EXTL3: variants seen among roughly 807,000 people sequenced by gnomAD.
EXTL3 encodes the protein exostosin like glycosyltransferase 3.
In EXTL3, 27 loss-of-function variants were observed where a neutral mutation model predicts 69.3. That is an observed-to-expected ratio of 0.39 (90% CI 0.29 to 0.54). EXTL3 has a LOEUF of 0.54. EXTL3 is among the 20% of genes least tolerant of loss of function. The probability of loss-of-function intolerance (pLI) is 0.69; values close to 1 mark genes in which losing one functional copy is unlikely to be tolerated. For missense variants in EXTL3, 1,003 were observed against 1,231.8 expected (o/e 0.81, Z 2.78); for synonymous variants, 511 against 499.4 (o/e 1.02, Z -0.31).
intron 2 of EXTL3, among the ~76,000 whole-genome samples, chr8:28,714,633 C>T (rs963573644): frequency 2.6e-5 from 4 of 152,104 alleles, no homozygotes; most frequent in South Asian, 2.1e-4. Flanking sequence ...AAAAAGAAAC[C>T]GGGAATATTC....
At chr8:28,735,946 G>A (rs1197024320) in intron 4 of EXTL3, among the ~76,000 whole-genome samples, 3 of 152,200 alleles carry the variant, frequency 2.0e-5, no homozygotes, top group African/African-American at 7.2e-5. Flanking sequence ...AGGCCCCTAG[G>A]TAGTCATTCA....
intron 1 of EXTL3, among the ~76,000 whole-genome samples, chr8:28,682,210 T>C (rs1298429455): frequency 6.6e-6 from 1 of 152,260 alleles, no homozygotes; most frequent in African/African-American, 2.4e-5. Flanking sequence ...TTGAGCATTT[T>C]TTTGTATATG....
At chr8:28,722,116 A>G (rs1250521317) in intron 3 of EXTL3, among the ~76,000 whole-genome samples, 3 of 152,156 alleles carry the variant, frequency 2.0e-5, no homozygotes, top group Non-Finnish European at 4.4e-5. Flanking sequence ...GGCCATGTAA[A>G]TTCTGGAGGG....
Position 28,750,636 on chromosome 8 carries a change from GTCTC to G in EXTL3, c.2551-14_2551-11del. 3.1e-6 allele frequency: 5 copies of G among 1,601,664 alleles called. No individual in the cohort carries two copies. The highest frequency in any genetic ancestry group is 1.7e-5 in the Admixed American group (1 of 60,008). On this transcript the variant is annotated splice_polypyrimidine_tract_variant and intron_variant, in intron 6 of 6. Transcript: ENST00000220562. This position sits in a 1 kb window ranked among gnomAD's most constrained non-coding sequence, Gnocchi z 5.2. ...CAGTATTAGCTGGGATTCCCACTCT[GTCTC>G]TCTCTCCCGTTTCCAGGTGACCTCA...
chr8:28,660,822 CTATTCCGAT>C (rs1807096778), intron 1 of EXTL3, among the ~76,000 whole-genome samples: 1 of 123,234 alleles, frequency 8.1e-6, no homozygotes, highest in Non-Finnish European at 1.7e-5. Flanking sequence ...AAATAGCCCT[CTATTCCGAT>C]TTTTGGCTTT....
At chr8:28,665,647 A>G (rs1807185736) in intron 1 of EXTL3, among the ~76,000 whole-genome samples, 1 of 151,996 alleles carries the variant, frequency 6.6e-6, no homozygotes, top group Non-Finnish European at 1.5e-5. Context: ...GGCTCGGGCA[A>G]TCCGTCCATC....
intron 4 of EXTL3, among the ~76,000 whole-genome samples, chr8:28,733,560 ATTT>A (rs1171341000): frequency 7.7e-6 from 1 of 129,942 alleles, no homozygotes; most frequent in Non-Finnish European, 1.7e-5. Flanking sequence ...TAATCTTTAC[ATTT>A]TTTTTTTTTT....
At chr8:28,647,186 C>A (rs1806845340) in intron 1 of EXTL3, among the ~76,000 whole-genome samples, 1 of 151,472 alleles carries the variant, frequency 6.6e-6, no homozygotes, top group African/African-American at 2.4e-5. Context: ...CTCACTACAA[C>A]CTCCTCTTCC....
chr8:28,630,379 G>A (rs970554781), intron 1 of EXTL3, among the ~76,000 whole-genome samples: 2 of 152,036 alleles, frequency 1.3e-5, no homozygotes, highest in African/African-American at 4.8e-5. Context: ...CCAGTCTCGG[G>A]TATGTCTTTA....
chr8:28,744,077 C>T (rs1801834633), intron 6 of EXTL3: 1 of 152,228 alleles, frequency 6.6e-6, no homozygotes. Context: ...CAAGTTAGAG[C>T]ATGCTGGTAA....
chr8:28,695,516 T>C (rs1467236723), intron 1 of EXTL3, among the ~76,000 whole-genome samples: 1 of 152,390 alleles, frequency 6.6e-6, no homozygotes, highest in African/African-American at 2.4e-5. Context: ...TCTCCATCTC[T>C]GGTGGGTTTG....
intron 1 of EXTL3, among the ~76,000 whole-genome samples, chr8:28,645,096 G>A (rs567758851): frequency 6.6e-6 from 1 of 152,288 alleles, no homozygotes; most frequent in Admixed American, 6.5e-5. Flanking sequence ...GAGTGAGAAA[G>A]GGAATAATAG....
chr8:28,718,230 G>A (rs367818465), intron 3 of EXTL3, 23 bp downstream of exon 3: 130 of 1,606,854 alleles, frequency 8.1e-5, no homozygotes, highest in Non-Finnish European at 9.2e-5. Context: ...CGAACAGTTC[G>A]TTTTGGTGCA....
upstream of EXTL3, chr8:28,700,345 T>C (rs1800761216): frequency 6.6e-6 from 1 of 152,198 alleles, no homozygotes; most frequent in African/African-American, 2.4e-5. Context: ...GAGTGTGCTC[T>C]AGGAAACAGG....
At chr8:28,638,982 G>C (rs1016946976) in intron 1 of EXTL3, among the ~76,000 whole-genome samples, 1 of 143,594 alleles carries the variant, frequency 7.0e-6, no homozygotes. Flanking sequence ...GTGTCACCCA[G>C]GCTGCAGTGC....
Position 28,710,617 on chromosome 8 carries a change from T to C in EXTL3, c.-569-2840T>C, listed in dbSNP as rs561765274. The C allele has an allele frequency of 6.5e-3, 1,855 of 286,288 alleles. 5 individuals are homozygous for C. Among genetic ancestry groups the C allele is most frequent in the African/African-American group, 0.013 (568 of 42,964 alleles). The allele number at this position is 286,288 out of a possible 1,614,324, so 17.7% of individuals were successfully genotyped here. On this transcript the variant is annotated intron_variant, in intron 1 of 6. Coordinates refer to ENST00000220562, the MANE Select transcript of EXTL3 (RefSeq NM_001440.4). The stretch of plus-strand genomic sequence containing the variant: ...TTTTTGTAGTTTTCTTTCTTTCTTT[T>C]TTTTTTTTTTTTTGAGGCAAGGTCT...
chr8:28,648,253 G>C (rs976978334), intron 1 of EXTL3, among the ~76,000 whole-genome samples: 2 of 152,034 alleles, frequency 1.3e-5, no homozygotes, highest in Non-Finnish European at 2.9e-5. Flanking sequence ...GGCTAATATT[G>C]TACAGTCTAA....
chr8:28,658,867 C>T (rs1807057543), intron 1 of EXTL3, among the ~76,000 whole-genome samples: 2 of 152,210 alleles, frequency 1.3e-5, no homozygotes, highest in African/African-American at 4.8e-5. Flanking sequence ...AGGCATGAGC[C>T]ACTGCACCCG....
chr8:28,629,901 A>AAG (rs1036731083), intron 1 of EXTL3, among the ~76,000 whole-genome samples: 136 of 151,412 alleles, frequency 9.0e-4, no homozygotes, highest in African/African-American at 2.9e-3. Flanking sequence ...GCAGAGATGC[A>AAG]AGAGAGAGAG....
Sources: gnomAD v4.1 joint callset for allele counts (sites outside exome capture counted in the v4.1 genomes callset) on GRCh38, gnomAD v4.1.1 for gene constraint, Gnocchi (gnomAD v3.1) non-coding constraint, MANE v1.5 for transcripts, NCBI Gene and HGNC (gene_info 2026-07-23, HGNC 2026-07-21) for gene names.